The following LAMA2 variants were observed in gnomAD, a reference collection of about 807,000 sequenced individuals.
LAMA2 encodes laminin subunit alpha-2.
LAMA2 carries 269 observed loss-of-function variants against 364.8 expected under a neutral mutation model. The ratio of observed to expected loss-of-function variants is 0.74; its 90% CI spans 0.67 to 0.82. The LOEUF is 0.82. Ranked by LOEUF, LAMA2 falls within the 40% of genes least tolerant of loss-of-function variation. LAMA2 has a pLI of 0.00. For synonymous variants in LAMA2, 1,379 were observed against 1,370.6 expected, an observed-to-expected ratio of 1.01 and a Z score of -0.14; for missense variants, 3,807 against 3,873.2, an observed-to-expected ratio of 0.98 and a Z score of 0.45.
chr6:128,937,191 TC>T (rs1779877907), intron 1 of LAMA2, among the ~76,000 whole-genome samples: 1 of 152,230 alleles, frequency 6.6e-6, no homozygotes, highest in Non-Finnish European at 1.5e-5. Flanking sequence ...TGTTGAATTA[TC>T]CATTTATTCC....
At chr6:129,080,584 A>G (rs1773981039) in intron 3 of LAMA2, among the ~76,000 whole-genome samples, 1 of 152,204 alleles carries the variant, frequency 6.6e-6, no homozygotes, top group South Asian at 2.1e-4. Flanking sequence ...TGGGCAAAGG[A>G]TATGAAGAGA....
chr6:129,320,292 C>T (rs1454312166), intron 27 of LAMA2, among the ~76,000 whole-genome samples: 1 of 152,044 alleles, frequency 6.6e-6, no homozygotes, highest in Non-Finnish European at 1.5e-5. Context: ...AGGGATTGGT[C>T]CTGCTATCTC....
chr6:129,166,384 T>C (rs1779742953), intron 9 of LAMA2, among the ~76,000 whole-genome samples: 1 of 152,182 alleles, frequency 6.6e-6, no homozygotes, highest in African/African-American at 2.4e-5. Context: ...AAGACTAAAA[T>C]TAATCAAGGC....
intron 12 of LAMA2, among the ~76,000 whole-genome samples, chr6:129,226,996 A>G (rs987445104): frequency 8.5e-5 from 13 of 152,180 alleles, no homozygotes; most frequent in Non-Finnish European, 1.5e-4. Context: ...GTCTTTTCAC[A>G]TAGTCCCATA....
rs768295963 is a variant in LAMA2, at chr6:129,393,013, A to G, written c.5235-32A>G. The G allele has an allele frequency of 4.5e-6, 7 of 1,567,038 alleles. No homozygotes were observed. In the East Asian group the frequency reaches 8.9e-5, roughly 20 times the overall value. On this transcript the variant is annotated intron_variant, in intron 36 of 64. Transcript: ENST00000421865. The stretch of plus-strand genomic sequence containing the variant: ...AACCCTAAGGCAGTGACATGAGCTC[A>G]TTGTCTATTATTGGGCTGGGGGTGG...
At chr6:129,195,377 C>A (rs1781774944) in intron 12 of LAMA2, among the ~76,000 whole-genome samples, 1 of 152,080 alleles carries the variant, frequency 6.6e-6, no homozygotes, top group Admixed American at 6.5e-5. Context: ...GAATACTAGC[C>A]AATTTAGCAA....
chr6:129,279,231 C>T (rs911255011), intron 17 of LAMA2, among the ~76,000 whole-genome samples: 7 of 152,020 alleles, frequency 4.6e-5, no homozygotes, highest in Non-Finnish European at 7.4e-5. Flanking sequence ...AACGCATTAC[C>T]GTGTGTCAAT....
chr6:129,406,931 G>T (rs1780276646), intron 40 of LAMA2, among the ~76,000 whole-genome samples: 2 of 152,134 alleles, frequency 1.3e-5, no homozygotes, highest in Admixed American at 6.5e-5. Context: ...GTGGTTAAAG[G>T]CCTGACAGCC....
At chr6:129,323,035 C>T (rs1243066963) in intron 28 of LAMA2, among the ~76,000 whole-genome samples, 3 of 152,186 alleles carry the variant, frequency 2.0e-5, no homozygotes, top group Admixed American at 2.0e-4. Context: ...ACAGTAATTG[C>T]AGTAATATCT....
In LAMA2 at chr6:129,315,950, G is replaced by A. The variant is rs866850684; in HGVS notation, c.3924G>A (p.Glu1308=). 6 of 1,613,838 alleles carry A rather than the reference G, an allele frequency of 3.7e-6. No homozygotes were observed. Among genetic ancestry groups the A allele is most frequent in the Non-Finnish European group, 4.2e-6 (5 of 1,179,946 alleles). Residue 1308 remains glutamate, a splice_region_variant and synonymous_variant, in exon 26 of 65, where the codon GAG becomes GAA. Transcript: ENST00000421865. ...CAAGGCATGAAATTGAAATGACAGAGGTAAAGTTAGTCATTGTTTGGTGCA... is the reference window on the plus strand; with the variant it reads ...CAAGGCATGAAATTGAAATGACAGAAGTAAAGTTAGTCATTGTTTGGTGCA... The part of the protein sequence containing the change: ...QLTRHEIEMT[E]KEWKYYGDDP...
At chr6:129,098,709 A>G (rs1292315304) in intron 4 of LAMA2, among the ~76,000 whole-genome samples, 1 of 152,250 alleles carries the variant, frequency 6.6e-6, no homozygotes, top group Non-Finnish European at 1.5e-5. Flanking sequence ...GAGGATTGCT[A>G]ATGATTAGAG....
chr6:129,025,032 A>G (rs1320022302), intron 1 of LAMA2, among the ~76,000 whole-genome samples: 1 of 152,200 alleles, frequency 6.6e-6, no homozygotes, highest in African/African-American at 2.4e-5. Flanking sequence ...ACTTAGAGCT[A>G]AATAGTTTGG....
intron 4 of LAMA2, among the ~76,000 whole-genome samples, chr6:129,122,021 A>G (rs1400897050): frequency 6.6e-6 from 1 of 152,206 alleles, no homozygotes; most frequent in Non-Finnish European, 1.5e-5. Context: ...CACTCTTAAA[A>G]TTATGTGAAA....
chr6:129,324,688 G>A (rs968136477), intron 28 of LAMA2, among the ~76,000 whole-genome samples: 1 of 152,184 alleles, frequency 6.6e-6, no homozygotes, highest in Admixed American at 6.5e-5. Context: ...GACCTGCACA[G>A]CATGTTATTG....
chr6:129,472,581 A>G (rs1435051264), intron 51 of LAMA2, among the ~76,000 whole-genome samples: 1 of 151,950 alleles, frequency 6.6e-6, no homozygotes, highest in Non-Finnish European at 1.5e-5. Context: ...TCACATTAAA[A>G]ATACCTTGAG....
intron 32 of LAMA2, among the ~76,000 whole-genome samples, chr6:129,356,329 C>G (rs1303275759): frequency 6.6e-6 from 1 of 152,122 alleles, no homozygotes; most frequent in Non-Finnish European, 1.5e-5. Flanking sequence ...TATTCACCTT[C>G]AAATTCCAGG....
chr6:129,070,720 C>A (rs912400392), intron 3 of LAMA2, among the ~76,000 whole-genome samples: 88 of 152,074 alleles, frequency 5.8e-4, no homozygotes, highest in Non-Finnish European at 7.4e-5. Context: ...ATAATTTCAA[C>A]CTTTCTGCAA....
intron 64 of LAMA2, among the ~76,000 whole-genome samples, chr6:129,515,824 T>A (rs1787012849): frequency 6.6e-6 from 1 of 152,164 alleles, no homozygotes; most frequent in Non-Finnish European, 1.5e-5. Context: ...ATGCCTGTAA[T>A]CCCAACACTT....
At chr6:129,158,881 T>C in intron 8 of LAMA2, 1 of 1,612,668 alleles carries the variant, frequency 6.2e-7, no homozygotes, top group Non-Finnish European at 8.5e-7. Flanking sequence ...CAAAGCAACG[T>C]CCATTAGTTA....
Sources: gnomAD v4.1 joint callset for allele counts (sites outside exome capture counted in the v4.1 genomes callset) on GRCh38, gnomAD v4.1.1 for gene constraint, MANE v1.5 for transcripts, NCBI Gene and HGNC (gene_info 2026-07-23, HGNC 2026-07-21) for gene names.